Variants in PIK3CD observed in about 807,000 individuals in gnomAD.
The protein encoded by PIK3CD is phosphatidylinositol-4,5-bisphosphate 3-kinase catalytic subunit delta, also known as phosphatidylinositol 4,5-bisphosphate 3-kinase catalytic subunit delta isoform.
PIK3CD carries 20 observed loss-of-function variants against 122.9 expected under a neutral mutation model. The ratio of observed to expected loss-of-function variants is 0.16; its 90% CI spans 0.11 to 0.24. The LOEUF is 0.24. PIK3CD is among the 10% of genes least tolerant of loss of function. The pLI is 1.00. For synonymous variants in PIK3CD, 596 were observed against 593.4 expected (o/e 1.00, Z -0.06); for missense variants, 787 against 1,406.3 (o/e 0.56, Z 7.04).
At chr1:9,650,029 C>G (rs1220857097), upstream of PIK3CD, among the ~76,000 whole-genome samples, 1 of 152,216 alleles carries the variant, frequency 6.6e-6, no homozygotes, top group Non-Finnish European at 1.5e-5. Flanking sequence ...TAACTAAGAC[C>G]TATGCATGGG....
chr1:9,655,066 CAA>C (rs201406696), intron 1 of PIK3CD, among the ~76,000 whole-genome samples: 10 of 124,812 alleles, frequency 8.0e-5, no homozygotes, highest in Non-Finnish European at 8.7e-5. Flanking sequence ...GACTACATTT[CAA>C]AAAAAAAAAA....
chr1:9,713,722 C>T lies in PIK3CD; in HGVS notation c.142-1819C>T, dbSNP rs555949718. Among the ~76,000 whole-genome samples, 37 of 152,168 alleles carry T rather than the reference C, an allele frequency of 2.4e-4. No homozygotes were observed. In the East Asian group the frequency reaches 6.9e-3, roughly 29 times the overall value. On this transcript the variant is annotated intron_variant, in intron 3 of 23. Coordinates refer to ENST00000377346, the MANE Select transcript of PIK3CD (RefSeq NM_005026.5). ...CTTCCCATCTTAGCCTACTGAGTAG[C>T]TGGGACTACAGGCATGCACCACCAT...
At chr1:9,695,077 A>G (rs560990267) in intron 2 of PIK3CD, among the ~76,000 whole-genome samples, 176 of 152,270 alleles carry the variant, frequency 1.2e-3, no homozygotes, top group Non-Finnish European at 1.9e-3. Flanking sequence ...TCGTATGGGG[A>G]AAAAAAGGCA....
intron 1 of PIK3CD, among the ~76,000 whole-genome samples, chr1:9,679,533 TA>T (rs1006632178): frequency 2.6e-5 from 4 of 152,098 alleles, no homozygotes; most frequent in Non-Finnish European, 4.4e-5. Flanking sequence ...TACCTCTCAA[TA>T]TTCTCCCAGG....
Position 9,728,713 on chromosome 1 carries a change from G to A in PIK3CD, c.*1667G>A, listed in dbSNP as rs934829552. 1 of 152,270 alleles carries A rather than the reference G, an allele frequency of 6.6e-6. No homozygotes were observed. The highest frequency in any genetic ancestry group is 2.4e-5 in the African/African-American group (1 of 41,476). The allele number at this position is 152,270 out of a possible 1,614,324, so 9.4% of individuals were successfully genotyped here. Reference sequence around the variant, plus strand: ...TTATTTAAGTGCGCCTGTGTGCGCGGGTGTGGGAGCACACTTTGCAAAGCC... The same window carrying A: ...TTATTTAAGTGCGCCTGTGTGCGCGAGTGTGGGAGCACACTTTGCAAAGCC... On this transcript the variant is annotated 3_prime_UTR_variant, in exon 24 of 24. Coordinates refer to ENST00000377346, the MANE Select transcript of PIK3CD (RefSeq NM_005026.5).
At chr1:9,673,299 G>A (rs1034283970) in intron 1 of PIK3CD, among the ~76,000 whole-genome samples, 1 of 151,804 alleles carries the variant, frequency 6.6e-6, no homozygotes, top group South Asian at 2.1e-4. Context: ...TCCCTCTGTC[G>A]CCCCGGCTGG....
At chr1:9,684,609 C>T (rs919658682) in intron 1 of PIK3CD, among the ~76,000 whole-genome samples, 5 of 150,694 alleles carry the variant, frequency 3.3e-5, no homozygotes, top group Admixed American at 3.3e-4. Flanking sequence ...AATCCCAACA[C>T]TTTGTGAGGC....
chr1:9,666,227 CTTTTTTTTTTTT>C (rs573382597), intron 1 of PIK3CD, among the ~76,000 whole-genome samples: 32 of 44,200 alleles, frequency 7.2e-4, no homozygotes, highest in East Asian at 3.4e-3. Context: ...CGCGCCCGGT[CTTTTTTTTTTTT>C]TTTTTTTTTT....
chr1:9,686,966 A>G (rs1452362670), intron 1 of PIK3CD, among the ~76,000 whole-genome samples: 1 of 152,198 alleles, frequency 6.6e-6, no homozygotes, highest in Non-Finnish European at 1.5e-5. Context: ...CTATCTTTTT[A>G]GAGTTTGTCA....
chr1:9,706,579 C>G (rs1210991390), intron 2 of PIK3CD, among the ~76,000 whole-genome samples: 1 of 152,076 alleles, frequency 6.6e-6, no homozygotes, highest in Non-Finnish European at 1.5e-5. Context: ...TCAAGTATTT[C>G]TGATGATAAT....
In PIK3CD at chr1:9,724,784, C is replaced by T; in HGVS notation, c.2865-20C>T. 5 of 1,612,138 alleles carry T rather than the reference C, an allele frequency of 3.1e-6. No homozygotes were observed. Among genetic ancestry groups the T allele is most frequent in the Non-Finnish European group, 4.2e-6 (5 of 1,180,014 alleles). ...GCTGGGAGTTCCCAGAGCCTCACTT[C>T]CTCTGTCCCCTACCTGCAGGTTCCG... On this transcript the variant is annotated intron_variant, in intron 22 of 23. Transcript: ENST00000377346. The surrounding 1 kb of genome is among the most constrained non-coding windows in gnomAD (Gnocchi z 7.3).
the PIK3CD span, among the ~76,000 whole-genome samples, chr1:9,629,657 G>T: frequency 1.3e-5 from 2 of 152,234 alleles, no homozygotes; most frequent in Non-Finnish European, 2.9e-5. Flanking sequence ...TTGGGGAGCT[G>T]CTGGGAGAAG....
Position 9,722,480 on chromosome 1 carries a change from G to T in PIK3CD, c.2348-48G>T, listed in dbSNP as rs1648832376. 1 of 1,566,416 alleles carries T rather than the reference G, an allele frequency of 6.4e-7. No homozygotes were observed. The highest frequency in any genetic ancestry group is 1.7e-5 in the Admixed American group (1 of 59,920). ...GGGCTTGGGTGTAGCTGGAAGCAGA[G>T]AACCTACCAGAAACTCACGCTTCTC... On this transcript the variant is annotated intron_variant, in intron 18 of 23. Coordinates refer to ENST00000377346, the MANE Select transcript of PIK3CD (RefSeq NM_005026.5). The surrounding 1 kb of genome is among the most constrained non-coding windows in gnomAD (Gnocchi z 7.6).
rs936203540 is a variant in PIK3CD, at chr1:9,670,767, G to GT, written c.-138+18974dup. Among the ~76,000 whole-genome samples, 9 of 151,360 alleles carry GT rather than the reference G, an allele frequency of 5.9e-5. No individual in the cohort carries two copies. The South Asian group carries it at 1.3e-3, about 21-fold the overall frequency. ...ATTTTTAAAAAACAATTTGTTTTTGGTTTTTTTTTAGATGGAGTCTCGCTC... is the reference window on the plus strand; with the variant it reads ...ATTTTTAAAAAACAATTTGTTTTTGGTTTTTTTTTTAGATGGAGTCTCGCTC... On this transcript the variant is annotated intron_variant, in intron 1 of 23. Coordinates refer to ENST00000377346, the MANE Select transcript of PIK3CD (RefSeq NM_005026.5).
intron 6 of PIK3CD, 145 bp from the exon 7 acceptor site, chr1:9,716,814 T>C: frequency 1.6e-6 from 2 of 1,251,358 alleles, no homozygotes; most frequent in Admixed American, 1.7e-5. Flanking sequence ...GAGGTGGAGG[T>C]GGGGCAGGAA....
Position 9,716,456 on chromosome 1 carries a change from A to G in PIK3CD, c.617A>G (p.Gln206Arg). Residue 206 changes from glutamine (Q) to arginine (R), a missense_variant, in exon 6 of 24, where the codon CAG becomes CGG. By Grantham distance (43) the Gln-to-Arg change is conservative. Transcript: ENST00000377346. The stretch of plus-strand genomic sequence containing the variant: ...TCCCCACAGGAGAGCTTCACCTTCC[A>G]GGTGTCCACCAAGGACGTGCCGCTG... ...FEGSEESFTF[Q>R]VSTKDVPLAL... 6.2e-7 allele frequency: 1 copy of G among 1,611,048 alleles called. No individual in the cohort carries two copies. The highest frequency in any genetic ancestry group is 2.2e-5 in the East Asian group (1 of 44,880).
chr1:9,725,818 A>C (rs545049664), intron 23 of PIK3CD, among the ~76,000 whole-genome samples: 12 of 152,282 alleles, frequency 7.9e-5, no homozygotes, highest in African/African-American at 2.4e-4. Context: ...CAGAAGTTGC[A>C]GTGAGCCGAG....
chr1:9,705,422 T>C (rs1255284891), intron 2 of PIK3CD, among the ~76,000 whole-genome samples: 1 of 151,080 alleles, frequency 6.6e-6, no homozygotes, highest in African/African-American at 2.4e-5. Context: ...CACCTGAGCC[T>C]GGGAGGTTGA....
intron 3 of PIK3CD, among the ~76,000 whole-genome samples, chr1:9,714,205 G>A (rs1404364560): frequency 6.6e-6 from 1 of 152,026 alleles, no homozygotes; most frequent in Non-Finnish European, 1.5e-5. Flanking sequence ...TGTGCATGTG[G>A]GTTATTAAAA....
Sources: allele counts gnomAD v4.1 joint callset (sites outside exome capture counted in the v4.1 genomes callset), GRCh38; gene constraint gnomAD v4.1.1; non-coding constraint Gnocchi (gnomAD v3.1); transcripts MANE v1.5; gene names NCBI Gene and HGNC (gene_info 2026-07-23, HGNC 2026-07-21).